Variants in CYP11B1 observed in about 807,000 individuals in gnomAD.
CYP11B1 encodes cytochrome P450 11B1, mitochondrial.
A neutral mutation model predicts 48.3 loss-of-function variants in CYP11B1; 34 were observed. That is an observed-to-expected ratio of 0.70 (90% confidence interval 0.54 to 0.94). The LOEUF (loss-of-function observed/expected upper bound fraction) is 0.94, where lower values mean the gene tolerates loss of function less well. Among genes scored for constraint, CYP11B1 ranks in the 40% least tolerant of loss-of-function variants. The probability of loss-of-function intolerance (pLI) is 0.00; values close to 1 mark genes in which losing one functional copy is unlikely to be tolerated. For synonymous variants in CYP11B1, 291 were observed against 262.5 expected (o/e 1.11, Z -1.05); for missense variants, 688 against 657.4 (o/e 1.05, Z -0.51).
intron 1 of CYP11B1, 69 bp downstream of exon 1, chr8:142,879,506 C>T (rs1438903376): frequency 1.2e-6 from 2 of 1,613,970 alleles, no homozygotes; most frequent in East Asian, 2.2e-5. Context: ...GTGCTGAGTG[C>T]CCGGCAGGGT....
Position 142,877,074 on chromosome 8 carries a change from C to T in CYP11B1, c.544G>A (p.Gly182Arg). Residue 182 changes from glycine (G) to arginine (R), a missense_variant, in exon 3 of 9, where the codon GGG becomes AGG. Transcript: ENST00000292427. ...GGCTGGACGTCCAGGGTCAGGCTCC[C>T]CCGGGCGTTCTGCAGCACCTTCTTC... The part of the protein sequence containing the change: ...LKKKVLQNAR[G>R]SLTLDVQPSI... 1 of 1,613,924 alleles carries T rather than the reference C, an allele frequency of 6.2e-7. No individual in the cohort carries two copies. Among genetic ancestry groups the T allele is most frequent in the Non-Finnish European group, 8.5e-7 (1 of 1,179,954 alleles).
At chr8:142,875,979 A>T in intron 5 of CYP11B1, 101 bp from the exon 6 acceptor site, 4 of 1,450,146 alleles carry the variant, frequency 2.8e-6, no homozygotes, top group Non-Finnish European at 3.9e-6. Context: ...GCAGACATGC[A>T]TACCCTGAGA....
chr8:142,874,358 G>T lies in CYP11B1; in HGVS notation c.*15C>A, dbSNP rs779156358. Reference sequence around the variant, plus strand: ...GGCTGGTGGCCAGGCTGGGACCCTGGGTGCAGAGACGTGATTAGTTGATGG... The same window carrying T: ...GGCTGGTGGCCAGGCTGGGACCCTGTGTGCAGAGACGTGATTAGTTGATGG... On this transcript the variant is annotated 3_prime_UTR_variant, in exon 9 of 9. Coordinates refer to ENST00000292427, the MANE Select transcript of CYP11B1 (RefSeq NM_000497.4). 1 of 1,584,778 alleles carries T rather than the reference G, an allele frequency of 6.3e-7. No individual in the cohort carries two copies. Among genetic ancestry groups the T allele is most frequent in the South Asian group, 1.1e-5 (1 of 90,448 alleles).
intron 2 of CYP11B1, chr8:142,877,810 G>A (rs1817008919): frequency 3.1e-6 from 5 of 1,595,506 alleles, no homozygotes; most frequent in Non-Finnish European, 4.2e-6. Context: ...ATGGTGGGGA[G>A]GAATTTCCCC....
rs1360208732 is a variant in CYP11B1, at chr8:142,876,381, G to T, written c.814C>A (p.Gln272Lys). 1 of 1,613,972 alleles carries T rather than the reference G, an allele frequency of 6.2e-7. No homozygotes were observed. Among genetic ancestry groups the T allele is most frequent in the Non-Finnish European group, 8.5e-7 (1 of 1,179,918 alleles). ...CIFQYGDNCI[Q>K]KIYQELAFSR... The stretch of plus-strand genomic sequence containing the variant: ...AAGGCCAGTTCCTGATAGATTTTCT[G>T]GATACAGTTGTCGCCTATCCGGGGA... The change falls in exon 5 of 9, where the codon CAG (glutamine) becomes AAG (lysine). Residue 272 changes from glutamine (Q) to lysine (K), a missense_variant. Gln to Lys is a moderately conservative substitution (Grantham distance 53). Transcript: ENST00000292427.
rs796443111 is a variant in CYP11B1 at position 142,879,535 on chromosome 8, G to A, written c.239+40C>T. 3.1e-6 allele frequency: 5 copies of A among 1,614,214 alleles called. No individual in the cohort carries two copies. In the African/African-American group the frequency reaches 5.3e-5, roughly 17 times the overall value. On this transcript the variant is annotated intron_variant, in intron 1 of 8. Coordinates refer to ENST00000292427, the MANE Select transcript of CYP11B1 (RefSeq NM_000497.4). ...GCAGGGTCCTGGGCAGCAAGGGCAG[G>A]GCTCTGGGTGTTCCCAGCGAGGGCC...
chr8:142,875,645 ACCACCCAGTGGGGGCTGCTCTCCAGCAG>A (rs1816914415), intron 6 of CYP11B1, 39 bp downstream of exon 6: 1 of 1,564,826 alleles, frequency 6.4e-7, no homozygotes, highest in African/African-American at 1.4e-5. Flanking sequence ...TCTGTCTGCC[ACCACCCAGTGGGGGCTGCTCTCCAGCAG>A]GGGGCCAGGG....
chr8:142,874,929 G>C (rs1447865557), intron 8 of CYP11B1, 28 bp downstream of exon 8: 9 of 1,611,158 alleles, frequency 5.6e-6, no homozygotes, highest in Non-Finnish European at 6.8e-6. Context: ...ACCCCGCCCA[G>C]GCCCCTCCCC....
intron 6 of CYP11B1, 114 bp from the exon 7 acceptor site, chr8:142,875,426 G>A: frequency 7.5e-7 from 1 of 1,329,934 alleles, no homozygotes; most frequent in Non-Finnish European, 1.1e-6. Context: ...GGAAGCCCAG[G>A]TCGTAGGAAG....
Position 142,875,051 on chromosome 8 carries a change from C to T in CYP11B1, c.1304G>A (p.Gly435Asp). ...AAAGGGCACGTGGTAGAAGTTCCTG[C>T]CGGAGCCCCTGATGTCTAGCCAGCG... The part of the protein sequence containing the change: ...PQRWLDIRGS[G>D]RNFYHVPFGF... The change falls in exon 8 of 9, where the codon GGC becomes GAC. Residue 435 changes from glycine to aspartate, a missense_variant. Physicochemically the swap from Gly to Asp is moderately conservative, Grantham distance 94 (BLOSUM62 -1). Coordinates refer to ENST00000292427, the MANE Select transcript of CYP11B1 (RefSeq NM_000497.4). 1.2e-6 allele frequency: 2 copies of T among 1,614,252 alleles called. No homozygotes were observed. The highest frequency in any genetic ancestry group is 8.5e-7 in the Non-Finnish European group (1 of 1,180,040).
Position 142,876,353 on chromosome 8 carries a change from C to T in CYP11B1, c.842G>A (p.Ser281Asn), listed in dbSNP as rs5291. The stretch of plus-strand genomic sequence containing the variant: ...GATGCTGGTGTACTGTTGAGGGCGG[C>T]TGAAGGCCAGTTCCTGATAGATTTT... ...IQKIYQELAFSRPQQYTSIVA... is the reference protein window; with the variant it reads ...IQKIYQELAFNRPQQYTSIVA... Residue 281 changes from serine (S) to asparagine (N), a missense_variant, in exon 5 of 9, where the codon AGC (serine) becomes AAC (asparagine). Coordinates refer to ENST00000292427, the MANE Select transcript of CYP11B1 (RefSeq NM_000497.4). The T allele has an allele frequency of 1.9e-6, 3 of 1,614,202 alleles. No individual in the cohort carries two copies. Among genetic ancestry groups the T allele is most frequent in the South Asian group, 1.1e-5 (1 of 91,070 alleles).
intron 3 of CYP11B1, 44 bp downstream of exon 3, chr8:142,876,979 C>A: frequency 1.2e-6 from 2 of 1,612,206 alleles, no homozygotes; most frequent in Non-Finnish European, 1.7e-6. Flanking sequence ...CGTCCCTGGC[C>A]ACTCCAGGGT....
Position 142,877,025 on chromosome 8 carries a change from T to C in CYP11B1, c.593A>G (p.Glu198Gly). 6.2e-7 allele frequency: 1 copy of C among 1,613,486 alleles called. No individual in the cohort carries two copies. Among genetic ancestry groups the C allele is most frequent in the African/African-American group, 1.3e-5 (1 of 75,000 alleles). The change falls in exon 3 of 9, where the codon GAA (glutamate) becomes GGA (glycine). Residue 198 changes from glutamate (E) to glycine (G), a missense_variant and splice_region_variant. Transcript: ENST00000292427. ...GGATCTTCCCACGTGGCCCACACCT[T>C]CTATGGTGTAGTGGAAGATGCTGGG... ...VQPSIFHYTI[E>G]ASNLALFGER... is the part of the protein sequence containing the mutation.
chr8:142,876,485 A>C, intron 4 of CYP11B1, 90 bp from the exon 5 acceptor site: 3 of 1,541,854 alleles, frequency 1.9e-6, no homozygotes, highest in South Asian at 2.4e-5. Flanking sequence ...CCCGACACCC[A>C]AGTCTCCCTG....
rs1816826111 is a variant in CYP11B1 at position 142,872,470 on chromosome 8, C to G, written c.*1903G>C. ...CCTTTCTGGAATGGGAATGTTTATC[C>G]TATGCCTCTCCAACCACTGTATTTT... On this transcript the variant is annotated 3_prime_UTR_variant, in exon 9 of 9. Coordinates refer to ENST00000292427, the MANE Select transcript of CYP11B1 (RefSeq NM_000497.4). 6.6e-6 allele frequency: 1 copy of G among 152,198 alleles called. No homozygotes were observed. The highest frequency in any genetic ancestry group is 6.5e-5 in the Admixed American group (1 of 15,288). The allele number at this position is 152,198 out of a possible 1,614,324, so 9.4% of individuals were successfully genotyped here. A position where few individuals can be genotyped will look rare whatever the true frequency, so the allele number is the denominator to read the frequency against.
At chr8:142,876,155 G>C (rs779910865) in intron 5 of CYP11B1, 86 bp downstream of exon 5, 3 of 1,573,268 alleles carry the variant, frequency 1.9e-6, no homozygotes, top group Non-Finnish European at 2.6e-6. Flanking sequence ...GATGGGACAC[G>C]TGGGCGCCGT....
chr8:142,876,005 A>C (rs1299662049), intron 5 of CYP11B1, 127 bp from the exon 6 acceptor site: 1 of 1,280,562 alleles, frequency 7.8e-7, no homozygotes, highest in Non-Finnish European at 1.1e-6. Flanking sequence ...AGAGCCCAAG[A>C]CTTCAAATCC....
Position 142,876,408 on chromosome 8 carries a change from C to T in CYP11B1, c.800-13G>A, listed in dbSNP as rs370713534. ...ATACAGTTGTCGCCTATCCGGGGAGCGGGAGGCAGCCCTCAGACTTTGGTG... is the reference window on the plus strand; with the variant it reads ...ATACAGTTGTCGCCTATCCGGGGAGTGGGAGGCAGCCCTCAGACTTTGGTG... On this transcript the variant is annotated splice_polypyrimidine_tract_variant and intron_variant, in intron 4 of 8. Transcript: ENST00000292427. 1.6e-5 allele frequency: 25 copies of T among 1,610,932 alleles called. No homozygotes were observed. The highest frequency in any genetic ancestry group is 1.0e-4 in the Admixed American group (6 of 59,640).
intron 5 of CYP11B1, 23 bp from the exon 6 acceptor site, chr8:142,875,901 G>T (rs1316714451): frequency 5.6e-6 from 9 of 1,613,948 alleles, no homozygotes; most frequent in Non-Finnish European, 7.6e-6. Flanking sequence ...CAGCTGCAGG[G>T]TCAGACCTTG....
Sources: gnomAD v4.1 joint callset for allele counts on GRCh38, gnomAD v4.1.1 for gene constraint, MANE v1.5 for transcripts, NCBI Gene and HGNC (gene_info 2026-07-23, HGNC 2026-07-21) for gene names.